FKBP10: variants seen among roughly 807,000 people sequenced by gnomAD.
FKBP10 encodes the protein FKBP prolyl isomerase 10.
In FKBP10, 34 loss-of-function variants were observed where a neutral mutation model predicts 53.7. The observed-to-expected ratio is 0.63, with a 90% CI of 0.48 to 0.84. FKBP10 has a LOEUF of 0.84. Ranked by LOEUF, FKBP10 falls within the 40% of genes least tolerant of loss-of-function variation. The pLI is 0.00. For missense variants in FKBP10, 748 were observed against 797.8 expected (o/e 0.94, Z 0.75); for synonymous variants, 324 against 335.7 (o/e 0.97, Z 0.38).
rs1555617459 is a variant in FKBP10 at position 41,822,768 on chromosome 17, T to C, written c.*360T>C. Reference sequence around the variant, plus strand: ...GCTTGTTATCCATCTCCCCAAACTTTCTCTTTCTTTGTACTTCTTGTCATC... The same window carrying C: ...GCTTGTTATCCATCTCCCCAAACTTCCTCTTTCTTTGTACTTCTTGTCATC... On this transcript the variant is annotated 3_prime_UTR_variant, in exon 10 of 10. Coordinates refer to ENST00000321562, the MANE Select transcript of FKBP10 (RefSeq NM_021939.4). 5 of 370,158 alleles carry C rather than the reference T, an allele frequency of 1.4e-5. No individual in the cohort carries two copies. The highest frequency in any genetic ancestry group is 2.6e-5 in the Non-Finnish European group (5 of 193,260). The allele number at this position is 370,158 out of a possible 1,614,324, so 22.9% of individuals were successfully genotyped here.
rs143842498 is a variant in FKBP10 at position 41,820,567 on chromosome 17, G to A, written c.1256+106G>A. On this transcript the variant is annotated intron_variant, in intron 7 of 9. Coordinates refer to ENST00000321562, the MANE Select transcript of FKBP10 (RefSeq NM_021939.4). ...TGCTCCTCCCTCTTGGTCCTCGAGC[G>A]CCAGGGGAGCATTCAACCTCTTGCT... The A allele has an allele frequency of 7.4e-3, 8,676 of 1,168,816 alleles. 50 individuals carry two copies. The highest frequency in any genetic ancestry group is 9.5e-3 in the Non-Finnish European group (7,577 of 797,806). 72.4% of individuals were successfully genotyped at this position (1,168,816 alleles called of 1,614,324 possible).
At chr17:41,819,753 G>T in intron 6 of FKBP10, 78 bp downstream of exon 6, 1 of 1,551,666 alleles carries the variant, frequency 6.4e-7, no homozygotes, top group African/African-American at 1.4e-5. Context: ...CTCCCACAGT[G>T]GGATTCCAGG....
rs781869482 is a variant in FKBP10, at chr17:41,817,228, G to A, written c.391+25G>A. On this transcript the variant is annotated intron_variant, in intron 2 of 9. Coordinates refer to ENST00000321562, the MANE Select transcript of FKBP10 (RefSeq NM_021939.4). ...GGTGAGAAGGGCTGGGGCACAGGCC[G>A]GGGGTGGAGGAGACCACGAGGCAGA... 1.1e-5 allele frequency: 17 copies of A among 1,608,816 alleles called. No individual in the cohort carries two copies. The African/African-American group carries it at 1.3e-4, about 13-fold the overall frequency.
At position 41,820,808 on chromosome 17, in the gene FKBP10, C is replaced by T. The variant is rs1448724879; in HGVS notation, c.1257-139C>T. ...CCACGTCTGCACAGCTGGGCCCCTG[C>T]ACTCTGCTGCGTGGCCCAAGTCACC... is the stretch of plus-strand genomic sequence containing the variant. On this transcript the variant is annotated intron_variant, in intron 7 of 9. Transcript: ENST00000321562. 15 of 1,215,296 alleles carry T rather than the reference C, an allele frequency of 1.2e-5. No individual in the cohort carries two copies. In the East Asian group the frequency reaches 2.0e-4, roughly 17 times the overall value. The allele number at this position is 1,215,296 out of a possible 1,614,324, so 75.3% of individuals were successfully genotyped here. A position where few individuals can be genotyped will look rare whatever the true frequency, so the allele number is the denominator to read the frequency against.
intron 1 of FKBP10, among the ~76,000 whole-genome samples, chr17:41,815,525 G>C (rs1210024930): frequency 1.3e-5 from 2 of 150,086 alleles, no homozygotes; most frequent in Non-Finnish European, 3.0e-5. Flanking sequence ...GAGTGCAGTA[G>C]CGCGATCTCT....
chr17:41,817,345 C>T (rs1555616241), intron 2 of FKBP10, 142 bp downstream of exon 2: 8 of 1,176,192 alleles, frequency 6.8e-6, no homozygotes, highest in Non-Finnish European at 8.4e-6. Context: ...AGAGTGGCAG[C>T]TCTGGCTGGG....
At position 41,822,498 on chromosome 17, in the gene FKBP10, C is replaced by T; in HGVS notation, c.*90C>T. On this transcript the variant is annotated 3_prime_UTR_variant, in exon 10 of 10. Transcript: ENST00000321562. ...GACTGACCTGCTGACAGTCACCCTC[C>T]CTCTGCTGGGATGAGGTCCAGGAGC... is the stretch of plus-strand genomic sequence containing the variant. 1 of 1,438,854 alleles carries T rather than the reference C, an allele frequency of 6.9e-7. No homozygotes were observed. The highest frequency in any genetic ancestry group is 1.2e-5 in the South Asian group (1 of 81,702). 89.1% of individuals were successfully genotyped at this position (1,438,854 alleles called of 1,614,324 possible).
At chr17:41,822,047 C>A (rs2047898685) in intron 9 of FKBP10, among the ~76,000 whole-genome samples, 176 bp from the exon 10 acceptor site, 1 of 152,230 alleles carries the variant, frequency 6.6e-6, no homozygotes, top group South Asian at 2.1e-4. Flanking sequence ...TCCACCCCAG[C>A]CCCCACCAGG....
At position 41,822,352 on chromosome 17, in the gene FKBP10, G is replaced by C. The variant is rs201944190; in HGVS notation, c.1693G>C (p.Asp565His). The C allele has an allele frequency of 1.2e-6, 2 of 1,613,040 alleles. No individual in the cohort carries two copies. Among genetic ancestry groups the C allele is most frequent in the African/African-American group, 1.3e-5 (1 of 74,918 alleles). The change falls in exon 10 of 10, where the codon GAC becomes CAC. Residue 565 changes from aspartate to histidine, a missense_variant. Physicochemically the swap from Asp to His is moderately conservative, Grantham distance 81. Coordinates refer to ENST00000321562, the MANE Select transcript of FKBP10 (RefSeq NM_021939.4). ...DRNQDGKITV[D>H]ELKLKSDEDE... ...CAACCAGGACGGCAAGATCACAGTC[G>C]ACGAGCTCAAGCTGAAGTCAGATGA...
At position 41,819,511 on chromosome 17, in the gene FKBP10, C is replaced by T; in HGVS notation, c.918-19C>T. 3 of 1,614,040 alleles carry T rather than the reference C, an allele frequency of 1.9e-6. No homozygotes were observed. Among genetic ancestry groups the T allele is most frequent in the Non-Finnish European group, 2.5e-6 (3 of 1,179,990 alleles). On this transcript the variant is annotated intron_variant, in intron 5 of 9. Transcript: ENST00000321562. ...GGCCCCTTTGACTCCCTTCCTGGCCCTCCCGCCTTGTATTGCAGCTACTCC... is the reference window on the plus strand; with the variant it reads ...GGCCCCTTTGACTCCCTTCCTGGCCTTCCCGCCTTGTATTGCAGCTACTCC...
chr17:41,822,082 G>C, intron 9 of FKBP10, 141 bp from the exon 10 acceptor site: 1 of 920,094 alleles, frequency 1.1e-6, no homozygotes, highest in African/African-American at 1.6e-5. Context: ...GCCTTTCCCA[G>C]CCCTTCCTGA....
At chr17:41,818,338 C>T (rs373971061) in intron 3 of FKBP10, 44 bp from the exon 4 acceptor site, 24 of 1,614,052 alleles carry the variant, frequency 1.5e-5, no homozygotes, top group South Asian at 1.1e-4. Context: ...AGCGGGAATC[C>T]GGGGCCCAGC....
chr17:41,818,302 G>C, intron 3 of FKBP10, 24 bp downstream of exon 3: 1 of 1,614,040 alleles, frequency 6.2e-7, no homozygotes. Context: ...GGGGAGCCCT[G>C]AGGCACTGGG....
Position 41,818,873 on chromosome 17 carries a change from G to A in FKBP10, c.728-337G>A, listed in dbSNP as rs528362709. On this transcript the variant is annotated intron_variant, in intron 4 of 9. Transcript: ENST00000321562. ...GGAGAGGCTGAGGCAGGAAAATGACGTGAACCCGGGAGGCGGAGCTTGCAG... is the reference window on the plus strand; with the variant it reads ...GGAGAGGCTGAGGCAGGAAAATGACATGAACCCGGGAGGCGGAGCTTGCAG... 253 of 411,608 alleles carry A rather than the reference G, an allele frequency of 6.1e-4. 2 individuals are homozygous for A. Among genetic ancestry groups the A allele is most frequent in the African/African-American group, 4.8e-3 (232 of 48,458 alleles). The allele number at this position is 411,608 out of a possible 1,614,324, so 25.5% of individuals were successfully genotyped here. A position where few individuals can be genotyped will look rare whatever the true frequency, so the allele number is the denominator to read the frequency against.
In FKBP10 at chr17:41,817,095, GT is replaced by G; in HGVS notation, c.284del (p.Val95GlyfsTer64). 1 of 1,614,120 alleles carries G rather than the reference GT, an allele frequency of 6.2e-7. No individual in the cohort carries two copies. Among genetic ancestry groups the G allele is most frequent in the Non-Finnish European group, 8.5e-7 (1 of 1,180,032 alleles). On this transcript the variant is annotated frameshift_variant, in exon 2 of 10. Transcript: ENST00000321562. LOFTEE classifies it high-confidence loss of function. ...CACCTTGGTGGCCATCGTGGTGGGT[GT>G]GGGGCGCCTCATCACTGGCATGGAC... ...RNTLVAIVVG[V>X]GRLITGMDRG... is the part of the protein sequence containing the mutation.
chr17:41,818,287 C>T lies in FKBP10; in HGVS notation c.581+9C>T, dbSNP rs782391799. On this transcript the variant is annotated intron_variant, in intron 3 of 9. Coordinates refer to ENST00000321562, the MANE Select transcript of FKBP10 (RefSeq NM_021939.4). The stretch of plus-strand genomic sequence containing the variant: ...ACCTCCTTCGACACCAGGTGAGGGG[C>T]TGGAGGGGAGCCCTGAGGCACTGGG... 1.4e-5 allele frequency: 22 copies of T among 1,613,792 alleles called. No homozygotes were observed. The East Asian group carries it at 3.1e-4, about 23-fold the overall frequency.
intron 6 of FKBP10, 35 bp downstream of exon 6, chr17:41,819,710 C>G: frequency 6.3e-7 from 1 of 1,578,686 alleles, no homozygotes; most frequent in Non-Finnish European, 8.6e-7. Flanking sequence ...CTCAGCTCCT[C>G]CTCCGAACTG....
At chr17:41,816,732 T>C (rs2047820539) in intron 1 of FKBP10, among the ~76,000 whole-genome samples, 2 of 152,218 alleles carry the variant, frequency 1.3e-5, no homozygotes, top group Non-Finnish European at 2.9e-5. Flanking sequence ...CTCCGTGCTG[T>C]ACGTACCACT....
intron 1 of FKBP10, among the ~76,000 whole-genome samples, chr17:41,814,969 T>C (rs533549313): frequency 6.6e-6 from 1 of 152,256 alleles, no homozygotes; most frequent in African/African-American, 2.4e-5. Context: ...TGGAGTGCAA[T>C]GGAGCAATCT....
Sources: allele counts gnomAD v4.1 joint callset (sites outside exome capture counted in the v4.1 genomes callset), GRCh38; gene constraint gnomAD v4.1.1; transcripts MANE v1.5; gene names NCBI Gene and HGNC (gene_info 2026-07-23, HGNC 2026-07-21).